SEMA3C: variants seen among roughly 807,000 people sequenced by gnomAD.
SEMA3C encodes the protein semaphorin 3C.
In SEMA3C, 47 loss-of-function variants were observed where a neutral mutation model predicts 89.4. The ratio of observed to expected loss-of-function variants is 0.53; its 90% CI spans 0.42 to 0.67. The LOEUF is 0.67. Ranked by LOEUF, SEMA3C falls within the 30% of genes least tolerant of loss-of-function variation. SEMA3C has a pLI of 0.00. For synonymous variants in SEMA3C, 310 were observed against 320.2 expected (o/e 0.97, Z 0.34); for missense variants, 839 against 929.1 (o/e 0.90, Z 1.26).
At chr7:80,749,640 G>A (rs567427263) in intron 16 of SEMA3C, among the ~76,000 whole-genome samples, 1 of 152,246 alleles carries the variant, frequency 6.6e-6, no homozygotes, top group East Asian at 1.9e-4. Flanking sequence ...TGATGTCTCT[G>A]TGCTTTAGTT....
At chr7:80,802,136 G>T (rs761727649) in intron 9 of SEMA3C, among the ~76,000 whole-genome samples, 10 of 151,886 alleles carry the variant, frequency 6.6e-5, no homozygotes, top group Non-Finnish European at 1.2e-4. Context: ...GTCCTTATTC[G>T]ACCTGGAAAG....
chr7:80,918,994 T>G lies in SEMA3C; in HGVS notation c.-205A>C. The G allele has an allele frequency of 2.0e-6, 2 of 985,278 alleles. No individual in the cohort carries two copies. The highest frequency in any genetic ancestry group is 2.4e-6 in the Non-Finnish European group (2 of 829,928). 61.0% of individuals were successfully genotyped at this position (985,278 alleles called of 1,614,324 possible). On this transcript the variant is annotated 5_prime_UTR_variant, in exon 1 of 18. Transcript: ENST00000265361. The stretch of plus-strand genomic sequence containing the variant: ...TTTCTTTGTAAAGGAATCTCAGCGC[T>G]GCAGTGCCGCGGCACCCGGAGCTCT...
intron 2 of SEMA3C, among the ~76,000 whole-genome samples, chr7:80,908,843 A>T (rs2116229443): frequency 6.6e-6 from 1 of 152,258 alleles, no homozygotes; most frequent in South Asian, 2.1e-4. Flanking sequence ...ATAATGTTTT[A>T]AGTAATAAAG....
At position 80,863,406 on chromosome 7, in the gene SEMA3C, G is replaced by T. The variant is rs551746906; in HGVS notation, c.104-34661C>A. On this transcript the variant is annotated intron_variant, in intron 2 of 17. Transcript: ENST00000265361. The stretch of plus-strand genomic sequence containing the variant: ...AACAGGCAACACTTCTACACTACTG[G>T]TAAGAATGCAAACTAGTACAGCCGC... 3.8e-3 allele frequency among the ~76,000 whole-genome samples: 576 copies of T among 151,274 alleles called. 1 individual carries two copies. Among genetic ancestry groups the T allele is most frequent in the Non-Finnish European group, 6.2e-3 (420 of 67,912 alleles).
chr7:80,863,996 ACATATATATCG>A (rs2116010256), intron 2 of SEMA3C, among the ~76,000 whole-genome samples: 1 of 150,962 alleles, frequency 6.6e-6, no homozygotes, highest in African/African-American at 2.4e-5. Flanking sequence ...CATGTATATC[ACATATATATCG>A]CATGTATATC....
At chr7:80,776,527 T>C (rs766221154) in intron 12 of SEMA3C, among the ~76,000 whole-genome samples, 62 of 152,314 alleles carry the variant, frequency 4.1e-4, no homozygotes, top group Non-Finnish European at 8.2e-4. Context: ...CTACAGATTA[T>C]AACTAATTTT....
At chr7:80,801,649 A>G (rs184048271) in intron 9 of SEMA3C, among the ~76,000 whole-genome samples, 1 of 152,210 alleles carries the variant, frequency 6.6e-6, no homozygotes, top group East Asian at 1.9e-4. Flanking sequence ...TAAGCAATAA[A>G]TTTATAACCA....
intron 12 of SEMA3C, among the ~76,000 whole-genome samples, chr7:80,786,545 A>T (rs1788807099): frequency 6.6e-6 from 1 of 152,362 alleles, no homozygotes; most frequent in Admixed American, 6.5e-5. Context: ...ACGTAGCCTC[A>T]GGAAAAAGAA....
chr7:80,832,976 G>A (rs1790041346), intron 2 of SEMA3C, among the ~76,000 whole-genome samples: 1 of 152,038 alleles, frequency 6.6e-6, no homozygotes, highest in African/African-American at 2.4e-5. Context: ...TAGTTTTGAT[G>A]TTTTTTCCAA....
At chr7:80,747,987 G>A (rs1165291992) in intron 17 of SEMA3C, among the ~76,000 whole-genome samples, 2 of 152,084 alleles carry the variant, frequency 1.3e-5, no homozygotes, top group Non-Finnish European at 2.9e-5. Context: ...CAGTATCTGT[G>A]TTCTACAGCT....
chr7:80,829,947 A>G (rs1284304414), intron 2 of SEMA3C, among the ~76,000 whole-genome samples: 3 of 152,212 alleles, frequency 2.0e-5, no homozygotes, highest in African/African-American at 7.2e-5. Context: ...GCATTGAATG[A>G]CAAACACATT....
intron 11 of SEMA3C, among the ~76,000 whole-genome samples, chr7:80,794,392 T>C (rs1239455213): frequency 6.6e-6 from 1 of 152,138 alleles, no homozygotes; most frequent in Non-Finnish European, 1.5e-5. Flanking sequence ...TGTAATTAAT[T>C]TTTCATGTCT....
chr7:80,919,043 C>T lies in SEMA3C; in HGVS notation c.-254G>A. ...CTTCTCCGCGTCGCTCAATCAAGCA[C>T]CTCGGAGTGAATGGAAAGTGGCCGG... On this transcript the variant is annotated 5_prime_UTR_variant, in exon 1 of 18. The change creates a new upstream start codon in the 5' untranslated region. Coordinates refer to ENST00000265361, the MANE Select transcript of SEMA3C (RefSeq NM_006379.5). The T allele has an allele frequency of 1.0e-6, 1 of 985,356 alleles. No homozygotes were observed. Among genetic ancestry groups the T allele is most frequent in the Non-Finnish European group, 1.2e-6 (1 of 829,896 alleles). The allele number at this position is 985,356 out of a possible 1,614,324, so 61.0% of individuals were successfully genotyped here.
Position 80,818,295 on chromosome 7 carries a change from T to C in SEMA3C, c.447+4A>G. ...AACTAAGAATGTTAAATAGTTATAC[T>C]TACCTCTGATCTCCTCCCTCTGTTC... On this transcript the variant is annotated splice_donor_region_variant and intron_variant, in intron 5 of 17. Coordinates refer to ENST00000265361, the MANE Select transcript of SEMA3C (RefSeq NM_006379.5). The C allele has an allele frequency of 6.3e-7, 1 of 1,597,444 alleles. No homozygotes were observed. The highest frequency in any genetic ancestry group is 8.6e-7 in the Non-Finnish European group (1 of 1,168,022).
intron 5 of SEMA3C, among the ~76,000 whole-genome samples, chr7:80,818,048 C>A (rs1375873698): frequency 1.4e-5 from 2 of 145,938 alleles, no homozygotes; most frequent in African/African-American, 5.1e-5. Context: ...TTGCCTCCAA[C>A]TAAAAGTATA....
intron 2 of SEMA3C, among the ~76,000 whole-genome samples, chr7:80,899,175 C>A (rs183075039): frequency 2.6e-5 from 4 of 152,114 alleles, no homozygotes; most frequent in Admixed American, 2.6e-4. Flanking sequence ...TGAGTAGCTG[C>A]GATTACAGGC....
chr7:80,761,610 T>A lies in SEMA3C; in HGVS notation c.1485+6A>T. On this transcript the variant is annotated splice_donor_region_variant and intron_variant, in intron 14 of 17. Transcript: ENST00000265361. The stretch of plus-strand genomic sequence containing the variant: ...AGCAAAGAACATAAAATAGCTTAGT[T>A]TTTACCTTTTTAGATGAAATTTTCA... The A allele has an allele frequency of 7.8e-7, 1 of 1,287,964 alleles. No homozygotes were observed. The highest frequency in any genetic ancestry group is 1.1e-6 in the Non-Finnish European group (1 of 922,634). 79.8% of individuals were successfully genotyped at this position (1,287,964 alleles called of 1,614,324 possible). A position where few individuals can be genotyped will look rare whatever the true frequency, so the allele number is the denominator to read the frequency against.
At chr7:80,827,397 T>TTG (rs1562893721) in intron 4 of SEMA3C, 28 bp downstream of exon 4, 19 of 1,254,462 alleles carry the variant, frequency 1.5e-5, no homozygotes, top group South Asian at 7.4e-5. Context: ...TTAGTGTTTT[T>TTG]TTTTTTTTTT....
intron 2 of SEMA3C, among the ~76,000 whole-genome samples, chr7:80,874,752 G>A (rs1791159533): frequency 2.6e-5 from 4 of 152,146 alleles, no homozygotes; most frequent in Admixed American, 2.6e-4. Context: ...ACAGGCATGA[G>A]CCAGCGCGTC....
Sources: gnomAD v4.1 joint callset for allele counts (sites outside exome capture counted in the v4.1 genomes callset) on GRCh38, gnomAD v4.1.1 for gene constraint, MANE v1.5 for transcripts, NCBI Gene and HGNC (gene_info 2026-07-23, HGNC 2026-07-21) for gene names.